ZBTB7C: variants seen among roughly 807,000 people sequenced by gnomAD.
ZBTB7C encodes zinc finger and BTB domain containing 7C, also known as zinc finger and BTB domain-containing protein 7C.
A neutral mutation model predicts 25.7 loss-of-function variants in ZBTB7C; 8 were observed. That is an observed-to-expected ratio of 0.31 (90% CI 0.18 to 0.56). The LOEUF (loss-of-function observed/expected upper bound fraction) is 0.56. Among genes scored for constraint, ZBTB7C ranks in the 20% least tolerant of loss-of-function variants. The pLI is 0.91. For synonymous variants in ZBTB7C, 394 were observed against 369.0 expected, an observed-to-expected ratio of 1.07 and a Z score of -0.78; for missense variants, 824 against 855.2, an observed-to-expected ratio of 0.96 and a Z score of 0.46.
At chr18:48,201,257 G>C (rs1254557613) in intron 2 of ZBTB7C, among the ~76,000 whole-genome samples, 1 of 152,148 alleles carries the variant, frequency 6.6e-6, no homozygotes, top group Non-Finnish European at 1.5e-5. Context: ...CTTTAGAATT[G>C]TTCTTTTAAA....
intron 3 of ZBTB7C, among the ~76,000 whole-genome samples, chr18:48,079,417 A>ACTATCCCATCT (rs1167149876): frequency 6.6e-6 from 1 of 152,250 alleles, no homozygotes; most frequent in Non-Finnish European, 1.5e-5. Context: ...GGAGGCACCC[A>ACTATCCCATCT]CTATCCCATC....
At chr18:48,117,646 T>A (rs1461444081) in intron 3 of ZBTB7C, among the ~76,000 whole-genome samples, 3 of 152,180 alleles carry the variant, frequency 2.0e-5, no homozygotes, top group African/African-American at 4.8e-5. Context: ...GCCTGGAGCA[T>A]CCTATGCCCT....
chr18:48,069,684 T>C (rs2037470414), intron 3 of ZBTB7C, among the ~76,000 whole-genome samples: 1 of 152,124 alleles, frequency 6.6e-6, no homozygotes. Flanking sequence ...TACATAATCT[T>C]AGACCCTGTT....
At chr18:48,141,956 T>G (rs1329323669) in intron 3 of ZBTB7C, among the ~76,000 whole-genome samples, 1 of 152,244 alleles carries the variant, frequency 6.6e-6, no homozygotes, top group Non-Finnish European at 1.5e-5. Context: ...TGAAATGTAT[T>G]AAATGCCAAT....
At chr18:48,155,625 G>A (rs1307535101) in intron 3 of ZBTB7C, among the ~76,000 whole-genome samples, 4 of 151,884 alleles carry the variant, frequency 2.6e-5, no homozygotes, top group Non-Finnish European at 4.4e-5. Context: ...GTGAGCCACC[G>A]CGCCCGGCCA....
At chr18:48,342,917 G>T (rs983510438) in intron 1 of ZBTB7C, among the ~76,000 whole-genome samples, 1 of 151,736 alleles carries the variant, frequency 6.6e-6, no homozygotes, top group African/African-American at 2.4e-5. Context: ...TTTTACTGGA[G>T]TTTCATCCTT....
chr18:48,084,363 A>G (rs537745137), intron 3 of ZBTB7C, among the ~76,000 whole-genome samples: 6 of 152,248 alleles, frequency 3.9e-5, no homozygotes, highest in African/African-American at 1.4e-4. Flanking sequence ...TGTTTTGAGT[A>G]AGTTTCACAT....
intron 2 of ZBTB7C, among the ~76,000 whole-genome samples, chr18:48,232,374 A>C (rs1476910835): frequency 6.6e-6 from 1 of 152,134 alleles, no homozygotes; most frequent in Non-Finnish European, 1.5e-5. Context: ...CAGAAAATAC[A>C]TTTCTGTTGT....
At chr18:48,076,436 G>T (rs2037767659) in intron 3 of ZBTB7C, among the ~76,000 whole-genome samples, 1 of 152,190 alleles carries the variant, frequency 6.6e-6, no homozygotes, top group Non-Finnish European at 1.5e-5. Flanking sequence ...GGAGGTGGGG[G>T]GTTTCCAATG....
chr18:48,071,238 T>C (rs1186184291), intron 3 of ZBTB7C, among the ~76,000 whole-genome samples: 1 of 152,222 alleles, frequency 6.6e-6, no homozygotes, highest in Non-Finnish European at 1.5e-5. Flanking sequence ...TTTAGGAACA[T>C]AATGATGACA....
chr18:48,056,801 T>C (rs1046724396), intron 3 of ZBTB7C, among the ~76,000 whole-genome samples: 3 of 152,082 alleles, frequency 2.0e-5, no homozygotes, highest in Admixed American at 1.3e-4. Context: ...ATTGAAGAAC[T>C]ACTTTATAAT....
intron 2 of ZBTB7C, among the ~76,000 whole-genome samples, chr18:48,187,535 C>G (rs371707840): frequency 6.6e-6 from 1 of 151,992 alleles, no homozygotes; most frequent in East Asian, 1.9e-4. Context: ...AGTAGAAGGC[C>G]GGGCATGGTG....
chr18:48,080,417 A>G (rs1410774528), intron 3 of ZBTB7C, among the ~76,000 whole-genome samples: 1 of 151,522 alleles, frequency 6.6e-6, no homozygotes, highest in African/African-American at 2.4e-5. Context: ...TCATGTATTG[A>G]CTCTCATTAA....
chr18:48,120,242 G>A (rs2039583751), intron 3 of ZBTB7C, among the ~76,000 whole-genome samples: 1 of 152,150 alleles, frequency 6.6e-6, no homozygotes, highest in African/African-American at 2.4e-5. Flanking sequence ...GAAACTGTGT[G>A]GGAAGGCTCC....
intron 1 of ZBTB7C, among the ~76,000 whole-genome samples, chr18:48,389,349 G>A (rs1435028565): frequency 2.3e-5 from 3 of 128,030 alleles, no homozygotes; most frequent in Non-Finnish European, 4.8e-5. Context: ...GGTGAAGGCA[G>A]AGGGCTTCAA....
intron 3 of ZBTB7C, among the ~76,000 whole-genome samples, chr18:48,065,116 C>G (rs1215001141): frequency 6.6e-6 from 1 of 152,130 alleles, no homozygotes; most frequent in Admixed American, 6.5e-5. Flanking sequence ...ACTCCCAGTG[C>G]CCCCCGCCCC....
intron 3 of ZBTB7C, among the ~76,000 whole-genome samples, chr18:48,115,403 C>T (rs909817104): frequency 2.3e-5 from 3 of 128,786 alleles, no homozygotes; most frequent in Admixed American, 1.6e-4. Flanking sequence ...CACCCGCCAC[C>T]GCACCTAGCT....
intron 3 of ZBTB7C, among the ~76,000 whole-genome samples, chr18:48,049,910 G>A (rs1168024592): frequency 6.6e-6 from 1 of 152,150 alleles, no homozygotes; most frequent in Non-Finnish European, 1.5e-5. Context: ...GCTGGCCCCA[G>A]CCAGCCGACT....
At chr18:48,144,255 G>A (rs1326467297) in intron 3 of ZBTB7C, among the ~76,000 whole-genome samples, 3 of 151,780 alleles carry the variant, frequency 2.0e-5, no homozygotes, top group Admixed American at 6.6e-5. Flanking sequence ...CTCTAGCCTG[G>A]GCGACAGAGC....
Sources: allele counts gnomAD v4.1 joint callset (sites outside exome capture counted in the v4.1 genomes callset), GRCh38; gene constraint gnomAD v4.1.1; transcripts MANE v1.5; gene names NCBI Gene and HGNC (gene_info 2026-07-23, HGNC 2026-07-21).